Variants in CHCHD6 observed in about 807,000 individuals in gnomAD.
CHCHD6 encodes MICOS complex subunit MIC25.
CHCHD6 carries 28 observed loss-of-function variants against 32.3 expected under a neutral mutation model. That is an observed-to-expected ratio of 0.87 (90% CI 0.64 to 1.19). The LOEUF (loss-of-function observed/expected upper bound fraction) is 1.19, where lower values mean the gene tolerates loss of function less well. Ranked by LOEUF, CHCHD6 falls within the 50% of genes most tolerant of loss-of-function variation. The probability of loss-of-function intolerance (pLI) is 0.00; values close to 1 mark genes in which losing one functional copy is unlikely to be tolerated. For missense variants in CHCHD6, 333 were observed against 307.0 expected (o/e 1.08, Z -0.63); for synonymous variants, 122 against 117.5 (o/e 1.04, Z -0.25).
chr3:126,809,864 A>G (rs1403455826), intron 4 of CHCHD6, among the ~76,000 whole-genome samples: 1 of 152,206 alleles, frequency 6.6e-6, no homozygotes, highest in Non-Finnish European at 1.5e-5. Flanking sequence ...AGCAGAATTC[A>G]TGTTGCTCTG....
intron 6 of CHCHD6, among the ~76,000 whole-genome samples, chr3:126,955,891 G>A (rs1026629032): frequency 6.6e-6 from 1 of 152,158 alleles, no homozygotes; most frequent in Non-Finnish European, 1.5e-5. Flanking sequence ...AGAGGACTGC[G>A]CTGCATACAG....
Position 126,960,196 on chromosome 3 carries a change from G to C in CHCHD6, c.703G>C (p.Gly235Arg). ...YQRCVSAAHK[G>R] ...CAACTCTGACCTGTTCTCTTTGTAG[G>C]GCTGAGGAGCAGACATCATTCCCTG... The change falls in exon 8 of 8, where the codon GGC becomes CGC. Residue 235 changes from glycine (G) to arginine (R), a missense_variant and splice_region_variant. Physicochemically the swap from Gly to Arg is moderately radical, Grantham distance 125. Coordinates refer to ENST00000290913, the MANE Select transcript of CHCHD6 (RefSeq NM_032343.3). The C allele has an allele frequency of 6.4e-7, 1 of 1,551,564 alleles. No individual in the cohort carries two copies. The highest frequency in any genetic ancestry group is 1.2e-5 in the South Asian group (1 of 84,058).
At chr3:126,952,046 T>C (rs1398806817) in intron 6 of CHCHD6, among the ~76,000 whole-genome samples, 1 of 152,238 alleles carries the variant, frequency 6.6e-6, no homozygotes, top group Non-Finnish European at 1.5e-5. Flanking sequence ...GCTTCGCACA[T>C]TGTGCAGTGA....
intron 4 of CHCHD6, among the ~76,000 whole-genome samples, chr3:126,820,575 G>T (rs1367681775): frequency 6.6e-6 from 1 of 152,162 alleles, no homozygotes; most frequent in East Asian, 1.9e-4. Flanking sequence ...TTGCCGTATA[G>T]TATTTCCTTG....
intron 5 of CHCHD6, among the ~76,000 whole-genome samples, chr3:126,906,755 A>G (rs572234857): frequency 3.9e-5 from 6 of 152,314 alleles, no homozygotes; most frequent in African/African-American, 1.4e-4. Context: ...CTGTGAAGGC[A>G]AGGACTTCAC....
chr3:126,753,454 C>T (rs933679872), intron 4 of CHCHD6, among the ~76,000 whole-genome samples: 2 of 152,118 alleles, frequency 1.3e-5, no homozygotes, highest in Non-Finnish European at 1.5e-5. Flanking sequence ...TGCTGCAGCC[C>T]GCCTGCATGC....
At chr3:126,817,880 A>C (rs986126447) in intron 4 of CHCHD6, among the ~76,000 whole-genome samples, 3 of 151,984 alleles carry the variant, frequency 2.0e-5, no homozygotes, top group African/African-American at 7.3e-5. Flanking sequence ...TTTGAAATTC[A>C]TTCTTTCTGG....
chr3:126,908,257 A>G (rs2078034292), intron 5 of CHCHD6, among the ~76,000 whole-genome samples: 1 of 152,188 alleles, frequency 6.6e-6, no homozygotes, highest in South Asian at 2.1e-4. Context: ...TGCGTGGGAA[A>G]GGTTCCAGGT....
intron 6 of CHCHD6, among the ~76,000 whole-genome samples, chr3:126,924,364 G>T (rs1353126542): frequency 6.6e-6 from 1 of 152,202 alleles, no homozygotes; most frequent in African/African-American, 2.4e-5. Flanking sequence ...GGTCAACAGG[G>T]ACTATAGCTT....
At chr3:126,917,014 T>C (rs1305235584) in intron 6 of CHCHD6, among the ~76,000 whole-genome samples, 1 of 152,248 alleles carries the variant, frequency 6.6e-6, no homozygotes, top group East Asian at 1.9e-4. Context: ...CCCACCATCA[T>C]GAGGGCAGGG....
At chr3:126,714,986 C>T (rs1335453236) in intron 1 of CHCHD6, among the ~76,000 whole-genome samples, 1 of 152,168 alleles carries the variant, frequency 6.6e-6, no homozygotes, top group Non-Finnish European at 1.5e-5. Flanking sequence ...AGGTAGTTAA[C>T]ATTTTTAAGG....
intron 4 of CHCHD6, among the ~76,000 whole-genome samples, chr3:126,802,019 A>G (rs1939103183): frequency 6.6e-6 from 1 of 152,252 alleles, no homozygotes; most frequent in Non-Finnish European, 1.5e-5. Context: ...CGTTAGAAGG[A>G]AAACTAACAA....
intron 4 of CHCHD6, among the ~76,000 whole-genome samples, chr3:126,783,914 C>T (rs898934966): frequency 6.6e-6 from 1 of 151,942 alleles, no homozygotes; most frequent in African/African-American, 2.4e-5. Context: ...GAACTTGGAT[C>T]AGAAAGAGAT....
intron 1 of CHCHD6, among the ~76,000 whole-genome samples, chr3:126,706,447 A>T (rs1934492569): frequency 6.6e-6 from 1 of 152,126 alleles, no homozygotes; most frequent in South Asian, 2.1e-4. Flanking sequence ...CCCATGATGT[A>T]TGCAAGGCAG....
In CHCHD6 at chr3:126,736,784, G is replaced by A. The variant is rs138337905; in HGVS notation, c.411+3562G>A. Reference sequence around the variant, plus strand: ...GGTGTCACTGGATCCTGTGAGAGGTGTTTCTCCCTCTGAGTTGATGGAGAA... The same window carrying A: ...GGTGTCACTGGATCCTGTGAGAGGTATTTCTCCCTCTGAGTTGATGGAGAA... On this transcript the variant is annotated intron_variant, in intron 4 of 7. Coordinates refer to ENST00000290913, the MANE Select transcript of CHCHD6 (RefSeq NM_032343.3). 1.3e-4 allele frequency among the ~76,000 whole-genome samples: 20 copies of A among 152,244 alleles called. No homozygotes were observed. In the East Asian group the frequency reaches 3.3e-3, roughly 25 times the overall value.
chr3:126,806,964 C>T (rs1009416611), intron 4 of CHCHD6, among the ~76,000 whole-genome samples: 7 of 146,714 alleles, frequency 4.8e-5, no homozygotes, highest in East Asian at 4.1e-4. Flanking sequence ...AACGAAACAC[C>T]GCATGTTCTC....
At chr3:126,806,913 C>A (rs577399115) in intron 4 of CHCHD6, among the ~76,000 whole-genome samples, 3 of 151,498 alleles carry the variant, frequency 2.0e-5, no homozygotes, top group Non-Finnish European at 4.4e-5. Flanking sequence ...ATGGATGAAA[C>A]TGGAAATCAT....
At chr3:126,942,359 T>A (rs2078573075) in intron 6 of CHCHD6, among the ~76,000 whole-genome samples, 1 of 152,210 alleles carries the variant, frequency 6.6e-6, no homozygotes, top group African/African-American at 2.4e-5. Context: ...CTTCCACCCA[T>A]CAGCCTTAGC....
At chr3:126,716,143 T>G (rs1197812017) in intron 1 of CHCHD6, among the ~76,000 whole-genome samples, 1 of 152,222 alleles carries the variant, frequency 6.6e-6, no homozygotes, top group African/African-American at 2.4e-5. Flanking sequence ...TCCCTGCTTA[T>G]AGCCTTCACT....
Sources: gnomAD v4.1 joint callset for allele counts (sites outside exome capture counted in the v4.1 genomes callset) on GRCh38, gnomAD v4.1.1 for gene constraint, MANE v1.5 for transcripts, NCBI Gene and HGNC (gene_info 2026-07-23, HGNC 2026-07-21) for gene names.